The following NIN variants were observed in gnomAD, a reference collection of about 807,000 sequenced individuals.
The protein encoded by NIN is glycogen synthase kinase 3 beta-interacting protein.
A neutral mutation model predicts 257.6 loss-of-function variants in NIN; 137 were observed. That is an observed-to-expected ratio of 0.53 (90% CI 0.46 to 0.61). NIN has a LOEUF of 0.61. Ranked by LOEUF, NIN falls within the 20% of genes least tolerant of loss-of-function variation. The pLI is 0.00. For synonymous variants in NIN, 918 were observed against 919.8 expected (o/e 1.00, Z 0.04); for missense variants, 2,439 against 2,501.2 (o/e 0.98, Z 0.53).
chr14:50,758,451 A>G lies in NIN; in HGVS notation c.2579T>C (p.Phe860Ser), dbSNP rs768107749. ...QQREEKSQWE[F>S]EKDELTQECA... is the part of the protein sequence containing the mutation. ...CTCCTGGGTGAGCTCGTCCTTCTCAAATTCCCACTGGGATTTCTCCTCACG... is the reference window on the plus strand; with the variant it reads ...CTCCTGGGTGAGCTCGTCCTTCTCAGATTCCCACTGGGATTTCTCCTCACG... The change falls in exon 18 of 31, where the codon TTT becomes TCT. Residue 860 changes from phenylalanine to serine, a missense_variant. Coordinates refer to ENST00000530997, the MANE Select transcript of NIN (RefSeq NM_020921.4). The G allele has an allele frequency of 3.7e-6, 6 of 1,613,936 alleles. No homozygotes were observed. Among genetic ancestry groups the G allele is most frequent in the South Asian group, 1.1e-5 (1 of 91,078 alleles).
Position 50,758,611 on chromosome 14 carries a change from A to T in NIN, c.2419T>A (p.Cys807Ser), listed in dbSNP as rs1183953723. 1 of 1,565,850 alleles carries T rather than the reference A, an allele frequency of 6.4e-7. No individual in the cohort carries two copies. Among genetic ancestry groups the T allele is most frequent in the Non-Finnish European group, 8.6e-7 (1 of 1,157,918 alleles). ...QEGREKMETECNRRTSQIEAQ... is the reference protein window; with the variant it reads ...QEGREKMETESNRRTSQIEAQ... ...TCTATTTGAGAGGTTCTTCTATTAC[A>T]CTCTGTTTCCATTTTTTCCCTAAAT... Residue 807 changes from cysteine to serine, a missense_variant, in exon 18 of 31, where the codon TGT (cysteine) becomes AGT (serine). Coordinates refer to ENST00000530997, the MANE Select transcript of NIN (RefSeq NM_020921.4).
intron 3 of NIN, among the ~76,000 whole-genome samples, chr14:50,818,973 G>A (rs527492491): frequency 1.3e-5 from 2 of 151,802 alleles, no homozygotes; most frequent in East Asian, 1.9e-4. Context: ...ATTCCTGGTT[G>A]AGCGAGACAA....
chr14:50,751,397 T>G (rs1349184938), intron 21 of NIN, among the ~76,000 whole-genome samples: 4 of 152,206 alleles, frequency 2.6e-5, no homozygotes, highest in Admixed American at 2.0e-4. Context: ...CAGCAAAGCA[T>G]GAAAGAGTCT....
chr14:50,750,685 G>A lies in NIN; in HGVS notation c.4950+1833C>T, dbSNP rs866087230. On this transcript the variant is annotated intron_variant, in intron 21 of 30. Coordinates refer to ENST00000530997, the MANE Select transcript of NIN (RefSeq NM_020921.4). The stretch of plus-strand genomic sequence containing the variant: ...ATATTACCCATTTATAACACAGTTA[G>A]GCTCATCTGTTCATGTATGTGCTCC... Among the ~76,000 whole-genome samples, 6 of 152,132 alleles carry A rather than the reference G, an allele frequency of 3.9e-5. No individual in the cohort carries two copies. In the South Asian group the frequency reaches 8.3e-4, roughly 21 times the overall value.
intron 23 of NIN, 147 bp downstream of exon 23, chr14:50,744,096 G>A (rs2041421976): frequency 2.7e-6 from 2 of 734,922 alleles, no homozygotes; most frequent in East Asian, 2.6e-5. Context: ...GGAAGTCTGG[G>A]GTCACAGAAT....
In NIN at chr14:50,729,510, G is replaced by C. The variant is rs765449570; in HGVS notation, c.6078+13C>G. On this transcript the variant is annotated intron_variant, in intron 29 of 30. Coordinates refer to ENST00000530997, the MANE Select transcript of NIN (RefSeq NM_020921.4). ...TTAACAGGTGATCTACTAGAGTAGA[G>C]AGAGCTTCATACCTGTGGTGTGTTG... 7 of 1,609,348 alleles carry C rather than the reference G, an allele frequency of 4.3e-6. No homozygotes were observed. In the South Asian group the frequency reaches 5.5e-5, roughly 13 times the overall value.
rs1295726651 is a variant in NIN at position 50,792,778 on chromosome 14, C to T, written c.369G>A (p.Val123=). The T allele has an allele frequency of 1.2e-6, 2 of 1,614,090 alleles. No homozygotes were observed. The highest frequency in any genetic ancestry group is 1.7e-6 in the Non-Finnish European group (2 of 1,180,042). ...FQESVEEFPE[V]TVIEPLDEEA... is the part of the protein sequence containing the mutation. Reference sequence around the variant, plus strand: ...CTTCATCCAGTGGCTCAATCACCGTCACTTCAGGAAACTCCTCCACGGACT... The same window carrying T: ...CTTCATCCAGTGGCTCAATCACCGTTACTTCAGGAAACTCCTCCACGGACT... Residue 123 remains valine (V), a synonymous_variant, in exon 5 of 31, where the codon GTG becomes GTA. Coordinates refer to ENST00000530997, the MANE Select transcript of NIN (RefSeq NM_020921.4).
chr14:50,810,441 C>T (rs2044539109), intron 3 of NIN, among the ~76,000 whole-genome samples: 1 of 152,002 alleles, frequency 6.6e-6, no homozygotes, highest in African/African-American at 2.4e-5. Flanking sequence ...CCTGTCATCC[C>T]AGCTATTTGG....
chr14:50,733,078 GT>G (rs1181702853), intron 28 of NIN, among the ~76,000 whole-genome samples: 1 of 144,186 alleles, frequency 6.9e-6, no homozygotes, highest in Admixed American at 6.9e-5. Flanking sequence ...TCCAATTTGT[GT>G]AAATCTATAG....
chr14:50,726,130 C>T (rs956811118), intron 29 of NIN, 64 bp from the exon 30 acceptor site: 2 of 1,258,382 alleles, frequency 1.6e-6, no homozygotes, highest in Non-Finnish European at 1.1e-6. Context: ...GTTTATTTTC[C>T]CCACAAGATG....
chr14:50,757,187 TTTG>T lies in NIN; in HGVS notation c.3840_3842del (p.Asn1280del). ...ACCTGAAAACCTCTGCAGTGAGTTC[TTTG>T]TTATTTTCTAGTGCCTCATCGTAGC... On this transcript the variant is annotated inframe_deletion, in exon 18 of 31. Coordinates refer to ENST00000530997, the MANE Select transcript of NIN (RefSeq NM_020921.4). 2 of 1,613,582 alleles carry T rather than the reference TTTG, an allele frequency of 1.2e-6. No homozygotes were observed. The highest frequency in any genetic ancestry group is 1.1e-5 in the South Asian group (1 of 90,932).
At chr14:50,775,584 C>G (rs2042890628) in intron 7 of NIN, among the ~76,000 whole-genome samples, 1 of 152,194 alleles carries the variant, frequency 6.6e-6, no homozygotes. Flanking sequence ...AGGAAAAACA[C>G]TAAGTAAAAG....
chr14:50,800,228 T>C (rs2044036712), intron 4 of NIN, among the ~76,000 whole-genome samples: 1 of 152,214 alleles, frequency 6.6e-6, no homozygotes, highest in Non-Finnish European at 1.5e-5. Flanking sequence ...ATTGTTTACA[T>C]AGATAGAGCA....
intron 5 of NIN, 146 bp from the exon 6 acceptor site, chr14:50,778,950 T>C (rs1040042776): frequency 6.8e-6 from 5 of 740,374 alleles, no homozygotes; most frequent in South Asian, 1.7e-5. Flanking sequence ...TGTATCCATC[T>C]AGATGAGTTC....
At chr14:50,729,259 T>G (rs1020057645) in intron 29 of NIN, among the ~76,000 whole-genome samples, 6 of 140,154 alleles carry the variant, frequency 4.3e-5, no homozygotes, top group East Asian at 1.9e-4. Context: ...GATTTTGTTT[T>G]TTTTTTTTTT....
intron 4 of NIN, among the ~76,000 whole-genome samples, chr14:50,805,336 G>C (rs372462221): frequency 6.6e-6 from 1 of 152,172 alleles, no homozygotes; most frequent in Non-Finnish European, 1.5e-5. Context: ...TATTCTAGCA[G>C]CGGTCACCTG....
rs2041095554 is a variant in NIN, at chr14:50,738,215, G to T, written c.5700C>A (p.Pro1900=). 1.3e-5 allele frequency: 21 copies of T among 1,614,012 alleles called. No individual in the cohort carries two copies. The highest frequency in any genetic ancestry group is 1.8e-5 in the Non-Finnish European group (21 of 1,179,954). ...KHLNPSGTMN[P]TEQEKLSLKR... ...TTAAGCTCAATTTTTCTTGCTCTGT[G>T]GGATTCATGGTACCTGATGGGTTTA... The change falls in exon 27 of 31, where the codon CCC becomes CCA. Residue 1900 remains proline, a synonymous_variant. Coordinates refer to ENST00000530997, the MANE Select transcript of NIN (RefSeq NM_020921.4).
rs1365400379 is a variant in NIN, at chr14:50,781,565, C to G, written c.436-2761G>C. Among the ~76,000 whole-genome samples, 3 of 152,220 alleles carry G rather than the reference C, an allele frequency of 2.0e-5. No homozygotes were observed. In the East Asian group the frequency reaches 5.8e-4, roughly 29 times the overall value. ...CTCTGGGACAGTACTTCCCTGCTGC[C>G]TTCTTCCCTGGATTCTTACTCCTAA... On this transcript the variant is annotated intron_variant, in intron 5 of 30. Coordinates refer to ENST00000530997, the MANE Select transcript of NIN (RefSeq NM_020921.4).
intron 2 of NIN, 68 bp from the exon 3 acceptor site, chr14:50,822,145 G>T: frequency 1.8e-6 from 2 of 1,111,860 alleles, no homozygotes; most frequent in Non-Finnish European, 2.7e-6. Context: ...TCACCACCTG[G>T]CACATTCCCG....
Sources: gnomAD v4.1 joint callset for allele counts (sites outside exome capture counted in the v4.1 genomes callset) on GRCh38, gnomAD v4.1.1 for gene constraint, MANE v1.5 for transcripts, NCBI Gene and HGNC (gene_info 2026-07-23, HGNC 2026-07-21) for gene names.